ADAMTSL1: variants seen among roughly 807,000 people sequenced by gnomAD.
ADAMTSL1 encodes the protein ADAMTS-like protein 1.
In ADAMTSL1, 126 loss-of-function variants were observed where a neutral mutation model predicts 201.8. The observed-to-expected ratio is 0.62, with a 90% CI of 0.54 to 0.72. The LOEUF (loss-of-function observed/expected upper bound fraction) is 0.72, where lower values mean the gene tolerates loss of function less well. Among genes scored for constraint, ADAMTSL1 ranks in the 30% least tolerant of loss-of-function variants. The pLI, the probability that ADAMTSL1 is intolerant of heterozygous loss-of-function variation, is 0.00. For synonymous variants in ADAMTSL1, 1,121 were observed against 903.4 expected (o/e 1.24, Z -4.32); for missense variants, 2,679 against 2,277.8 (o/e 1.18, Z -3.59).
At chr9:18,908,224 G>C in intron 28 of ADAMTSL1, 1 of 565,422 alleles carries the variant, frequency 1.8e-6, no homozygotes, top group Non-Finnish European at 3.2e-6. Context: ...CATTCAGCCA[G>C]ACAGCTGCAG....
chr9:17,999,445 CTT>C (rs1819521628), intron 1 of ADAMTSL1, among the ~76,000 whole-genome samples: 1 of 151,802 alleles, frequency 6.6e-6, no homozygotes, highest in Non-Finnish European at 1.5e-5. Context: ...ATCAGTAAGA[CTT>C]TTGTTGGTCA....
At chr9:18,096,307 C>A (rs147400018) in intron 1 of ADAMTSL1, among the ~76,000 whole-genome samples, 1 of 152,346 alleles carries the variant, frequency 6.6e-6, no homozygotes, top group Admixed American at 6.5e-5. Context: ...GTATTCCCTT[C>A]TTTATCTCAC....
chr9:18,591,376 T>C (rs1823903840), intron 4 of ADAMTSL1, among the ~76,000 whole-genome samples: 1 of 152,210 alleles, frequency 6.6e-6, no homozygotes, highest in Admixed American at 6.5e-5. Flanking sequence ...GGAGTATCTT[T>C]TCCCATCCCT....
At chr9:17,952,723 C>T (rs1469048750) in intron 1 of ADAMTSL1, among the ~76,000 whole-genome samples, 1 of 152,092 alleles carries the variant, frequency 6.6e-6, no homozygotes, top group Admixed American at 6.5e-5. Flanking sequence ...GGCGGGGTTT[C>T]ACCACGTTGG....
At position 18,184,536 on chromosome 9, in the gene ADAMTSL1, C is replaced by A. The variant is rs370458252; in HGVS notation, c.207+20555C>A. Among the ~76,000 whole-genome samples, 9 of 152,256 alleles carry A rather than the reference C, an allele frequency of 5.9e-5. No individual in the cohort carries two copies. In the East Asian group the frequency reaches 1.2e-3, roughly 20 times the overall value. On this transcript the variant is annotated intron_variant, in intron 2 of 29. Coordinates refer to the ADAMTSL1 transcript ENST00000680146. ...TGGAGTGAGTAAAGAAGGGAAACTTCCGCTTTTATTTTGCCTGTTGTCATT... is the reference window on the plus strand; with the variant it reads ...TGGAGTGAGTAAAGAAGGGAAACTTACGCTTTTATTTTGCCTGTTGTCATT...
intron 2 of ADAMTSL1, among the ~76,000 whole-genome samples, chr9:18,173,101 C>T (rs1488262307): frequency 2.0e-5 from 3 of 152,054 alleles, no homozygotes; most frequent in Admixed American, 6.6e-5. Context: ...GTTTAAATGG[C>T]TAGTGGTTGC....
chr9:18,342,811 G>A (rs919087363), intron 2 of ADAMTSL1, among the ~76,000 whole-genome samples: 2 of 152,024 alleles, frequency 1.3e-5, no homozygotes, highest in African/African-American at 4.8e-5. Flanking sequence ...ACCTCTCTGT[G>A]TTCTGAATTT....
intron 4 of ADAMTSL1, among the ~76,000 whole-genome samples, chr9:18,614,292 A>G (rs1474207047): frequency 2.0e-5 from 3 of 152,136 alleles, no homozygotes; most frequent in Non-Finnish European, 4.4e-5. Flanking sequence ...GTGTCTCTTC[A>G]TTGCCATCTA....
At chr9:18,790,929 T>C (rs1821996121) in intron 19 of ADAMTSL1, among the ~76,000 whole-genome samples, 1 of 152,144 alleles carries the variant, frequency 6.6e-6, no homozygotes, top group South Asian at 2.1e-4. Context: ...CCATTCTATG[T>C]CCCCACATCC....
intron 2 of ADAMTSL1, among the ~76,000 whole-genome samples, chr9:18,312,584 A>G (rs948280297): frequency 2.6e-5 from 4 of 152,198 alleles, no homozygotes; most frequent in Non-Finnish European, 5.9e-5. Context: ...TGCTATACCA[A>G]GACGTTCCCA....
intron 2 of ADAMTSL1, among the ~76,000 whole-genome samples, chr9:18,293,185 T>C (rs1336019617): frequency 1.3e-5 from 2 of 152,230 alleles, no homozygotes. Flanking sequence ...CCTAGGTTGA[T>C]TCCATGTCTT....
intron 2 of ADAMTSL1, among the ~76,000 whole-genome samples, chr9:18,242,989 G>T (rs1239180373): frequency 6.6e-6 from 1 of 151,998 alleles, no homozygotes; most frequent in South Asian, 2.1e-4. Context: ...AAATAAGACA[G>T]TCCTAAAATT....
intron 5 of ADAMTSL1, among the ~76,000 whole-genome samples, chr9:18,624,863 CTGA>C (rs1362525198): frequency 6.6e-6 from 1 of 152,118 alleles, no homozygotes; most frequent in East Asian, 1.9e-4. Context: ...AATACACAAC[CTGA>C]TGATTATACA....
At chr9:17,968,339 A>T (rs765285043) in intron 1 of ADAMTSL1, among the ~76,000 whole-genome samples, 1 of 152,144 alleles carries the variant, frequency 6.6e-6, no homozygotes. Context: ...TTCTAAATAC[A>T]TGTCAGAAGA....
intron 3 of ADAMTSL1, among the ~76,000 whole-genome samples, chr9:18,553,919 A>G (rs1051914669): frequency 6.6e-6 from 1 of 151,846 alleles, no homozygotes; most frequent in African/African-American, 2.4e-5. Context: ...AGACTTCTGA[A>G]TCTGAGGATT....
At chr9:18,685,113 A>C (rs1830746709) in intron 13 of ADAMTSL1, among the ~76,000 whole-genome samples, 1 of 152,242 alleles carries the variant, frequency 6.6e-6, no homozygotes. Flanking sequence ...GCAGCTGATG[A>C]TATAACATAG....
intron 20 of ADAMTSL1, among the ~76,000 whole-genome samples, chr9:18,810,993 G>T (rs1478780557): frequency 3.5e-5 from 4 of 114,130 alleles, no homozygotes; most frequent in Admixed American, 2.3e-4. Flanking sequence ...GCTGGCTACT[G>T]GTAAACACCA....
intron 2 of ADAMTSL1, among the ~76,000 whole-genome samples, chr9:18,518,464 C>G (rs1355808485): frequency 6.6e-6 from 1 of 152,140 alleles, no homozygotes; most frequent in East Asian, 1.9e-4. Context: ...ATCCATGTTG[C>G]CGTAAAGGAC....
chr9:18,436,227 C>T (rs948607996), intron 2 of ADAMTSL1, among the ~76,000 whole-genome samples: 1 of 152,010 alleles, frequency 6.6e-6, no homozygotes, highest in Admixed American at 6.6e-5. Flanking sequence ...TGTAAATGCT[C>T]GGGGAAGGAT....
Sources: allele counts gnomAD v4.1 joint callset (sites outside exome capture counted in the v4.1 genomes callset), GRCh38; gene constraint gnomAD v4.1.1; transcripts MANE v1.5; gene names NCBI Gene and HGNC (gene_info 2026-07-23, HGNC 2026-07-21).